EPS15: variants seen among roughly 807,000 people sequenced by gnomAD.
EPS15 encodes epidermal growth factor receptor substrate 15.
EPS15 carries 72 observed loss-of-function variants against 113.8 expected under a neutral mutation model. The observed-to-expected ratio is 0.63, with a 90% CI of 0.52 to 0.77. The LOEUF (loss-of-function observed/expected upper bound fraction) is 0.77. Ranked by LOEUF, EPS15 falls within the 30% of genes least tolerant of loss-of-function variation. The pLI is 0.00. For missense variants in EPS15, 1,048 were observed against 1,045.8 expected (o/e 1.00, Z -0.03); for synonymous variants, 344 against 363.4 (o/e 0.95, Z 0.61).
chr1:51,480,894 C>G (rs1644009049), intron 2 of EPS15, among the ~76,000 whole-genome samples: 1 of 152,140 alleles, frequency 6.6e-6, no homozygotes, highest in Non-Finnish European at 1.5e-5. Context: ...AAATCTGATA[C>G]ATGCTCATTA....
Position 51,439,327 on chromosome 1 carries a change from A to G in EPS15, c.1040+1020T>C, listed in dbSNP as rs561868631. On this transcript the variant is annotated intron_variant, in intron 12 of 24. Transcript: ENST00000371733. ...AAAAATTCTAACAACCAGTTTTTCT[A>G]CAGAAATCTCAACATAGTCTCACAG... is the stretch of plus-strand genomic sequence containing the variant. Among the ~76,000 whole-genome samples, 10 of 152,248 alleles carry G rather than the reference A, an allele frequency of 6.6e-5. No individual in the cohort carries two copies. The South Asian group carries it at 1.2e-3, about 19-fold the overall frequency.
intron 11 of EPS15, among the ~76,000 whole-genome samples, chr1:51,442,351 A>C (rs1292289643): frequency 6.6e-6 from 1 of 152,126 alleles, no homozygotes; most frequent in Non-Finnish European, 1.5e-5. Context: ...AGAACTTGTG[A>C]CTACCACATC....
At chr1:51,491,622 G>A (rs770734198) in intron 1 of EPS15, among the ~76,000 whole-genome samples, 5 of 152,098 alleles carry the variant, frequency 3.3e-5, no homozygotes, top group African/African-American at 9.7e-5. Flanking sequence ...AATAGAAACC[G>A]GAAGCTGTTT....
At chr1:51,376,820 C>G (rs896373089) in intron 21 of EPS15, among the ~76,000 whole-genome samples, 1 of 152,188 alleles carries the variant, frequency 6.6e-6, no homozygotes, top group Non-Finnish European at 1.5e-5. Flanking sequence ...TCTTGCAAAT[C>G]AAGGAGTAAT....
At chr1:51,389,226 T>C (rs1255498272) in intron 21 of EPS15, among the ~76,000 whole-genome samples, 1 of 152,210 alleles carries the variant, frequency 6.6e-6, no homozygotes, top group African/African-American at 2.4e-5. Context: ...ACCACATGAT[T>C]ATCTCAATAG....
intron 4 of EPS15, among the ~76,000 whole-genome samples, chr1:51,468,916 T>C (rs1655043924): frequency 6.6e-6 from 1 of 152,028 alleles, no homozygotes; most frequent in African/African-American, 2.4e-5. Context: ...TCACTTGAGG[T>C]CAGGAGTATG....
intron 21 of EPS15, among the ~76,000 whole-genome samples, chr1:51,378,637 G>A (rs910727683): frequency 2.6e-5 from 4 of 152,130 alleles, no homozygotes; most frequent in Admixed American, 6.5e-5. Context: ...AAGCACCAAT[G>A]CACTCTAATT....
intron 7 of EPS15, among the ~76,000 whole-genome samples, chr1:51,462,977 C>T (rs995424043): frequency 2.7e-5 from 4 of 149,004 alleles, no homozygotes; most frequent in Admixed American, 1.4e-4. Flanking sequence ...CCTGGGTTCA[C>T]GCGATTCTTC....
chr1:51,483,422 T>A (rs1276597883), intron 1 of EPS15, among the ~76,000 whole-genome samples: 4 of 151,654 alleles, frequency 2.6e-5, no homozygotes, highest in African/African-American at 9.7e-5. Flanking sequence ...TGTGTGTGTG[T>A]GTGTGTGTGT....
At chr1:51,420,854 G>T (rs1329061544) in intron 13 of EPS15, among the ~76,000 whole-genome samples, 1 of 152,104 alleles carries the variant, frequency 6.6e-6, no homozygotes, top group East Asian at 1.9e-4. Context: ...TGAATGTCCT[G>T]CATCAAAACA....
At chr1:51,419,210 T>C (rs1362689319) in intron 13 of EPS15, among the ~76,000 whole-genome samples, 1 of 152,162 alleles carries the variant, frequency 6.6e-6, no homozygotes, top group Non-Finnish European at 1.5e-5. Context: ...GATCCACTGG[T>C]ATATATCTCA....
At chr1:51,445,621 TCTA>T (rs1448845837) in intron 10 of EPS15, among the ~76,000 whole-genome samples, 1 of 151,998 alleles carries the variant, frequency 6.6e-6, no homozygotes. Context: ...AAGGTTTTAC[TCTA>T]CTTTCTTTTT....
chr1:51,470,537 C>T (rs1449186313), intron 4 of EPS15, among the ~76,000 whole-genome samples: 1 of 151,186 alleles, frequency 6.6e-6, no homozygotes, highest in Non-Finnish European at 1.5e-5. Flanking sequence ...ATCCCAGCTA[C>T]TCCAGAGGCT....
intron 21 of EPS15, 92 bp from the exon 22 acceptor site, chr1:51,366,121 G>T (rs1347448362): frequency 1.3e-6 from 1 of 792,528 alleles, no homozygotes; most frequent in Non-Finnish European, 2.0e-6. Context: ...AGCCTCAAGA[G>T]CAGTGGTACG....
At chr1:51,365,160 A>C (rs761158664) in intron 22 of EPS15, among the ~76,000 whole-genome samples, 19 of 152,206 alleles carry the variant, frequency 1.2e-4, no homozygotes, top group Non-Finnish European at 2.5e-4. Context: ...GTGTGTCTGA[A>C]GACCCTTTCA....
intron 21 of EPS15, among the ~76,000 whole-genome samples, chr1:51,386,530 C>T (rs1434029047): frequency 6.6e-6 from 1 of 152,174 alleles, no homozygotes; most frequent in African/African-American, 2.4e-5. Context: ...TGGAGTGGAC[C>T]TCTAGCAAAC....
At chr1:51,497,584 C>T (rs1472813991) in intron 1 of EPS15, among the ~76,000 whole-genome samples, 1 of 152,160 alleles carries the variant, frequency 6.6e-6, no homozygotes, top group Non-Finnish European at 1.5e-5. Flanking sequence ...ACCCAATTCA[C>T]GCATCTTAGA....
intron 8 of EPS15, among the ~76,000 whole-genome samples, chr1:51,455,554 T>TA (rs1469572588): frequency 6.6e-6 from 1 of 151,328 alleles, no homozygotes; most frequent in Non-Finnish European, 1.5e-5. Flanking sequence ...CACACTACCA[T>TA]ACTCCAGCCT....
chr1:51,449,259 C>CA (rs1653330872), intron 8 of EPS15, among the ~76,000 whole-genome samples: 1 of 151,846 alleles, frequency 6.6e-6, no homozygotes, highest in Non-Finnish European at 1.5e-5. Flanking sequence ...TACACAGCCA[C>CA]AAAAAACAAC....
Sources: allele counts gnomAD v4.1 joint callset (sites outside exome capture counted in the v4.1 genomes callset), GRCh38; gene constraint gnomAD v4.1.1; transcripts MANE v1.5; gene names NCBI Gene and HGNC (gene_info 2026-07-23, HGNC 2026-07-21).